The following RSPH10B2 variants were observed in gnomAD, a reference collection of about 807,000 sequenced individuals.
RSPH10B2 encodes radial spoke head 10 homolog B2 (Chlamydomonas).
RSPH10B2 carries 9 observed loss-of-function variants against 49.0 expected under a neutral mutation model. That is an observed-to-expected ratio of 0.18 (90% confidence interval 0.11 to 0.32). The LOEUF is 0.32. RSPH10B2 is among the 10% of genes least tolerant of loss of function. RSPH10B2 has a pLI of 1.00. For missense variants in RSPH10B2, 95 were observed against 589.9 expected (o/e 0.16, Z 8.69); for synonymous variants, 35 against 210.2 (o/e 0.17, Z 7.21).
In RSPH10B2 at chr7:6,798,289, T is replaced by C; in HGVS notation, c.2433-74T>C. On this transcript the variant is annotated intron_variant, in intron 18 of 18. Transcript: ENST00000297186. ...TGCAGGTATGAAGGGCTGTATACTA[T>C]AAATAGCCTAAAACTGGTTTTGCAG... The C allele has an allele frequency of 3.7e-6, 2 of 545,640 alleles. 1 individual carries two copies. Among genetic ancestry groups the C allele is most frequent in the Non-Finnish European group, 5.2e-6 (2 of 382,010 alleles). The allele number at this position is 545,640 out of a possible 1,614,324, so 33.8% of individuals were successfully genotyped here.
At chr7:6,753,182 GGTACCACTA>G, upstream of RSPH10B2, 1 of 231,662 alleles carries the variant, frequency 4.3e-6, no homozygotes, top group Non-Finnish European at 8.5e-6. Flanking sequence ...GATGGAAGGA[GGTACCACTA>G]GTCAAGGATT....
rs1225036454 is a variant in RSPH10B2, at chr7:6,785,515, T to G, written c.1759-434T>G. On this transcript the variant is annotated intron_variant, in intron 13 of 18. Transcript: ENST00000297186. ...GTTAATCCAGAATGCTTTTCAAAATTATCAGTCTTTAAGATATTAATTTAT... is the reference window on the plus strand; with the variant it reads ...GTTAATCCAGAATGCTTTTCAAAATGATCAGTCTTTAAGATATTAATTTAT... Among the ~76,000 whole-genome samples the G allele has an allele frequency of 2.6e-5, 4 of 152,262 alleles. No homozygotes were observed. In the East Asian group the frequency reaches 5.8e-4, roughly 22 times the overall value.
intron 6 of RSPH10B2, among the ~76,000 whole-genome samples, 162 bp from the exon 9 acceptor site, chr7:6,768,428 A>G (rs1464426042): frequency 2.7e-5 from 4 of 149,694 alleles, no homozygotes; most frequent in Non-Finnish European, 4.5e-5. Context: ...AAGACTCCTT[A>G]GTAAGTAGCT....
In RSPH10B2 at chr7:6,759,053, A is replaced by G. The variant is rs541788195; in HGVS notation, c.255-31A>G. On this transcript the variant is annotated intron_variant, in intron 1 of 18. Coordinates refer to ENST00000297186, the Ensembl canonical transcript of RSPH10B2. ...TCACTTGGGTTTATTCACATTGTTC[A>G]TTACCTTGAATTACCTTTATTTCTT... The G allele has an allele frequency of 4.8e-5, 14 of 294,396 alleles. No homozygotes were observed. In the East Asian group the frequency reaches 9.4e-4, roughly 20 times the overall value. The allele number at this position is 294,396 out of a possible 1,614,324, so 18.2% of individuals were successfully genotyped here. A position where few individuals can be genotyped will look rare whatever the true frequency, so the allele number is the denominator to read the frequency against.
chr7:6,793,214 CTTTTTTTG>C (rs200294274), intron 17 of RSPH10B2, among the ~76,000 whole-genome samples: 8 of 111,812 alleles, frequency 7.2e-5, no homozygotes, highest in African/African-American at 1.1e-4. Context: ...CGCGCCTGGT[CTTTTTTTG>C]TTTGTTTGTT....
chr7:6,792,231 T>C (rs1782371123), intron 17 of RSPH10B2, among the ~76,000 whole-genome samples: 3 of 131,896 alleles, frequency 2.3e-5, no homozygotes. Flanking sequence ...AACCATCTTT[T>C]TAAATAATGA....
rs1354103712 is a variant in RSPH10B2 at position 6,791,930 on chromosome 7, TGAAA to T, written c.2169_2172del (p.Arg724SerfsTer4). The stretch of plus-strand genomic sequence containing the variant: ...CCAAGATCAAGAAGTCTGTAAGTCA[TGAAA>T]GAGTCTCCAAAATGAATTTTAAATT... On this transcript the variant is annotated frameshift_variant, in exon 17 of 19. Transcript: ENST00000297186. LOFTEE classifies it high-confidence loss of function. The T allele has an allele frequency of 2.9e-5, 14 of 481,446 alleles. No individual in the cohort carries two copies. The highest frequency in any genetic ancestry group is 4.6e-5 in the Non-Finnish European group (13 of 283,432). The allele number at this position is 481,446 out of a possible 1,614,324, so 29.8% of individuals were successfully genotyped here.
At chr7:6,793,971 A>G (rs1464990350) in intron 17 of RSPH10B2, among the ~76,000 whole-genome samples, 2 of 151,704 alleles carry the variant, frequency 1.3e-5, no homozygotes, top group African/African-American at 4.8e-5. Flanking sequence ...GCTGCTAGGC[A>G]TCTTGGGGGG....
Position 6,776,836 on chromosome 7 carries a change from C to T in RSPH10B2, c.1414+290C>T, listed in dbSNP as rs1275999824. Among the ~76,000 whole-genome samples the T allele has an allele frequency of 1.1e-4, 12 of 104,506 alleles. 1 individual carries two copies. Among genetic ancestry groups the T allele is most frequent in the African/African-American group, 4.3e-4 (12 of 27,834 alleles). The allele number at this position is 104,506 out of a possible 152,430, so 68.6% of individuals were successfully genotyped here. A position where few individuals can be genotyped will look rare whatever the true frequency, so the allele number is the denominator to read the frequency against. ...AGGTTGCAGTGAGCCAAGATTGTGC[C>T]ATTGCACTCCAGCCTGGGTGACAGG... On this transcript the variant is annotated intron_variant, in intron 10 of 18. Transcript: ENST00000297186.
At position 6,783,116 on chromosome 7, in the gene RSPH10B2, C is replaced by T. The variant is rs1463200989; in HGVS notation, c.1758+1640C>T. ...TGAGGTCTCGGCTCACTGCAACCTC[C>T]GCCTCCCGGGTTCAAGCAATTCTCC... On this transcript the variant is annotated intron_variant, in intron 13 of 18. Coordinates refer to ENST00000297186, the Ensembl canonical transcript of RSPH10B2. 1.8e-5 allele frequency among the ~76,000 whole-genome samples: 2 copies of T among 109,354 alleles called. 1 individual carries two copies. The highest frequency in any genetic ancestry group is 7.5e-5 in the African/African-American group (2 of 26,628). The allele number at this position is 109,354 out of a possible 152,430, so 71.7% of individuals were successfully genotyped here.
intron 9 of RSPH10B2, among the ~76,000 whole-genome samples, chr7:6,774,752 TTTG>T (rs1267724371): frequency 5.4e-5 from 5 of 91,804 alleles, no homozygotes; most frequent in Non-Finnish European, 1.1e-4. Context: ...TATCTTTTTT[TTTG>T]TTTTTTTTTT....
intron 13 of RSPH10B2, among the ~76,000 whole-genome samples, chr7:6,785,469 T>A (rs1486878660): frequency 6.6e-6 from 1 of 152,264 alleles, no homozygotes; most frequent in African/African-American, 2.4e-5. Flanking sequence ...TGAGCCACCA[T>A]GTCTGGCCGC....
At chr7:6,797,620 G>T (rs1324001513) in intron 18 of RSPH10B2, among the ~76,000 whole-genome samples, 1 of 152,294 alleles carries the variant, frequency 6.6e-6, no homozygotes, top group African/African-American at 2.4e-5. Context: ...CAGCATTTTG[G>T]GGGGCCAAGG....
At chr7:6,776,873 T>TCTCACACACA (rs1460063586) in intron 10 of RSPH10B2, among the ~76,000 whole-genome samples, 5 of 110,996 alleles carry the variant, frequency 4.5e-5, no homozygotes, top group African/African-American at 1.7e-4. Context: ...CGAGACTCCA[T>TCTCACACACA]CACACACACA....
Position 6,797,031 on chromosome 7 carries a change from G to C in RSPH10B2, c.2432+265G>C, listed in dbSNP as rs1334992844. Reference sequence around the variant, plus strand: ...TTTCTAGTTTTATTTTTTTTTTTTAGACAGGGTCTCACTGTCACCCAGGCT... The same window carrying C: ...TTTCTAGTTTTATTTTTTTTTTTTACACAGGGTCTCACTGTCACCCAGGCT... On this transcript the variant is annotated intron_variant, in intron 18 of 18. Transcript: ENST00000297186. The C allele has an allele frequency of 8.6e-6, 3 of 348,724 alleles. 1 individual carries two copies. Among genetic ancestry groups the C allele is most frequent in the African/African-American group, 4.6e-5 (2 of 43,094 alleles). 21.6% of individuals were successfully genotyped at this position (348,724 alleles called of 1,614,324 possible).
At position 6,793,384 on chromosome 7, in the gene RSPH10B2, C is replaced by T. The variant is rs1382778536; in HGVS notation, c.2233+1387C>T. 9.5e-5 allele frequency among the ~76,000 whole-genome samples: 11 copies of T among 116,266 alleles called. 5 individuals carry two copies. Among genetic ancestry groups the T allele is most frequent in the African/African-American group, 2.4e-4 (7 of 29,220 alleles). 76.3% of individuals were successfully genotyped at this position (116,266 alleles called of 152,430 possible). On this transcript the variant is annotated intron_variant, in intron 17 of 18. Transcript: ENST00000297186. ...TTTTCTGACGGCGTCTCTCTATGGC[C>T]GGCCACCCACTCAATGGTGGACTTT...
Position 6,763,444 on chromosome 7 carries a change from TAAAAAC to T in RSPH10B2, c.400-478_400-473del, listed in dbSNP as rs1304617732. Among the ~76,000 whole-genome samples the T allele has an allele frequency of 1.7e-5, 2 of 118,046 alleles. 1 individual carries two copies. The highest frequency in any genetic ancestry group is 1.8e-4 in the Admixed American group (2 of 11,302). The allele number at this position is 118,046 out of a possible 152,430, so 77.4% of individuals were successfully genotyped here. On this transcript the variant is annotated intron_variant, in intron 3 of 18. Coordinates refer to ENST00000297186, the Ensembl canonical transcript of RSPH10B2. ...ACAGAGTGAGACTCTGTCTCAAAAA[TAAAAAC>T]AAAAATAAAATCTTTTTCTAGAGAC...
intron 10 of RSPH10B2, among the ~76,000 whole-genome samples, chr7:6,776,779 A>G (rs1781752010): frequency 1.4e-5 from 1 of 69,280 alleles, no homozygotes; most frequent in Non-Finnish European, 2.6e-5. Flanking sequence ...TGGGAGGCTG[A>G]GGCAGGAGAA....
chr7:6,755,987 C>A (rs1179088105), upstream of RSPH10B2, among the ~76,000 whole-genome samples: 9 of 146,948 alleles, frequency 6.1e-5, no homozygotes, highest in African/African-American at 2.4e-4. Context: ...CTGGGCCGGG[C>A]ACCCACACCC....
Sources: gnomAD v4.1 joint callset for allele counts (sites outside exome capture counted in the v4.1 genomes callset) on GRCh38, gnomAD v4.1.1 for gene constraint, MANE v1.5 for transcripts, NCBI Gene and HGNC (gene_info 2026-07-23, HGNC 2026-07-21) for gene names.